Variants in NBEAL1 observed in about 807,000 individuals in gnomAD.
NBEAL1 encodes the protein neurobeachin-like protein 1.
A neutral mutation model predicts 351.3 loss-of-function variants in NBEAL1; 273 were observed. The observed-to-expected ratio is 0.78, with a 90% CI of 0.70 to 0.86. The LOEUF (loss-of-function observed/expected upper bound fraction) is 0.86, where lower values mean the gene tolerates loss of function less well. Ranked by LOEUF, NBEAL1 falls within the 40% of genes least tolerant of loss-of-function variation. The pLI is 0.00. For synonymous variants in NBEAL1, 1,050 were observed against 1,086.4 expected, an observed-to-expected ratio of 0.97 and a Z score of 0.66; for missense variants, 2,961 against 3,201.3, an observed-to-expected ratio of 0.92 and a Z score of 1.81.
At chr2:203,171,396 GGA>G (rs2064315066) in intron 39 of NBEAL1, among the ~76,000 whole-genome samples, 1 of 151,292 alleles carries the variant, frequency 6.6e-6, no homozygotes, top group Non-Finnish European at 1.5e-5. Flanking sequence ...CTTGAGGCTA[GGA>G]GTTTGAGACC....
chr2:203,151,676 T>G (rs2063657439), intron 35 of NBEAL1, 87 bp downstream of exon 35: 1 of 1,253,966 alleles, frequency 8.0e-7, no homozygotes, highest in African/African-American at 1.5e-5. Context: ...GTTTTAAATG[T>G]GTTTACTTAT....
At chr2:203,172,946 T>A (rs2064371172) in intron 41 of NBEAL1, 93 bp downstream of exon 41, 2 of 995,074 alleles carry the variant, frequency 2.0e-6, no homozygotes, top group Admixed American at 2.9e-5. Context: ...ATTTTTTTTT[T>A]ATCGTACTAC....
intron 42 of NBEAL1, among the ~76,000 whole-genome samples, chr2:203,176,545 A>G (rs899057491): frequency 7.9e-5 from 12 of 151,560 alleles, no homozygotes; most frequent in Non-Finnish European, 1.8e-4. Context: ...GCCTGGCCAA[A>G]ATGGTGAAAC....
chr2:203,193,886 C>G lies in NBEAL1; in HGVS notation c.7013C>G (p.Pro2338Arg), dbSNP rs748046250. Residue 2338 changes from proline to arginine, a missense_variant, in exon 47 of 56, where the codon CCT becomes CGT. Coordinates refer to ENST00000683969, the MANE Select transcript of NBEAL1 (RefSeq NM_001378026.1). ...ACCCTAAACCTGTTTCAACACCTTC[C>G]TGAACTCAAGTCATTTTTTATAGAG... The part of the protein sequence containing the change: ...TSTLNLFQHL[P>R]ELKSFFIEGI... 2.5e-5 allele frequency: 40 copies of G among 1,607,728 alleles called. No individual in the cohort carries two copies. In the South Asian group the frequency reaches 4.4e-4, roughly 18 times the overall value.
chr2:203,208,690 C>T lies in NBEAL1; in HGVS notation c.7560C>T (p.His2520=). ...ASKPFQILYG[H]TNEVLSVGIS... Reference sequence around the variant, plus strand: ...AACCTTTTCAGATTCTTTATGGACACACCAACGAGGTACTGAGTGTCGGCA... The same window carrying T: ...AACCTTTTCAGATTCTTTATGGACATACCAACGAGGTACTGAGTGTCGGCA... The change falls in exon 52 of 56, where the codon CAC becomes CAT. Residue 2520 remains histidine (H), a synonymous_variant. Coordinates refer to ENST00000683969, the MANE Select transcript of NBEAL1 (RefSeq NM_001378026.1). 6.2e-7 allele frequency: 1 copy of T among 1,612,656 alleles called. No homozygotes were observed. The highest frequency in any genetic ancestry group is 8.5e-7 in the Non-Finnish European group (1 of 1,179,690).
chr2:203,051,672 G>GCAAAACAAAA (rs1183950153), intron 4 of NBEAL1, among the ~76,000 whole-genome samples: 1 of 152,052 alleles, frequency 6.6e-6, no homozygotes, highest in African/African-American at 2.4e-5. Flanking sequence ...AAATCCTACA[G>GCAAAACAAAA]ATATTTGTTT....
At chr2:203,084,648 T>G in intron 10 of NBEAL1, 79 bp downstream of exon 10, 1 of 670,736 alleles carries the variant, frequency 1.5e-6, no homozygotes, top group African/African-American at 1.9e-5. Flanking sequence ...TTTGAACATA[T>G]TTTTACTAAT....
chr2:203,044,374 AGCTT>A (rs1361359107), intron 3 of NBEAL1, among the ~76,000 whole-genome samples: 2 of 152,228 alleles, frequency 1.3e-5, no homozygotes, highest in African/African-American at 4.8e-5. Context: ...AATAATTTAT[AGCTT>A]GCTTTAAATC....
At chr2:203,096,070 T>G (rs771126181) in intron 10 of NBEAL1, among the ~76,000 whole-genome samples, 5 of 152,218 alleles carry the variant, frequency 3.3e-5, no homozygotes, top group Non-Finnish European at 7.3e-5. Flanking sequence ...ACCTTTCATT[T>G]GTTAAGTCTC....
rs879382245 is a variant in NBEAL1, at chr2:203,223,558, A to C, written c.*6204A>C. ...CAATGTAGCATTGTAATGTAAGATG[A>C]AGAAAAATTAGGATTTAGGTGGGAT... On this transcript the variant is annotated 3_prime_UTR_variant, in exon 56 of 56. Transcript: ENST00000683969. Among the ~76,000 whole-genome samples, 2 of 152,050 alleles carry C rather than the reference A, an allele frequency of 1.3e-5. No homozygotes were observed. Among genetic ancestry groups the C allele is most frequent in the African/African-American group, 4.8e-5 (2 of 41,430 alleles).
chr2:203,127,387 A>AT (rs1226761854), intron 23 of NBEAL1, among the ~76,000 whole-genome samples: 1 of 152,176 alleles, frequency 6.6e-6, no homozygotes, highest in Non-Finnish European at 1.5e-5. Context: ...ACATGGAAAT[A>AT]TTTTTTTAAC....
chr2:203,158,788 G>GT (rs937755387), intron 36 of NBEAL1, among the ~76,000 whole-genome samples: 1 of 117,778 alleles, frequency 8.5e-6, no homozygotes, highest in Non-Finnish European at 1.8e-5. Context: ...ACTTTCTCCA[G>GT]TTTTTTTGTG....
rs756332584 is a variant in NBEAL1, at chr2:203,125,490, T to G, written c.2821T>G (p.Trp941Gly). The change falls in exon 20 of 56, where the codon TGG becomes GGG. Residue 941 changes from tryptophan (W) to glycine (G), a missense_variant. Physicochemically the swap from Trp to Gly is radical, Grantham distance 184. Transcript: ENST00000683969. ...ATCAGTAACACCTGTTGAAGGAGAT[T>G]GGCTCGTATGGACTTCCACAAAGGC... ...PESVTPVEGD[W>G]LVWTSTKASE... 4 of 1,527,602 alleles carry G rather than the reference T, an allele frequency of 2.6e-6. No individual in the cohort carries two copies. The highest frequency in any genetic ancestry group is 2.5e-5 in the South Asian group (2 of 78,612). 94.6% of individuals were successfully genotyped at this position (1,527,602 alleles called of 1,614,324 possible).
intron 38 of NBEAL1, among the ~76,000 whole-genome samples, chr2:203,169,146 A>C (rs2064237021): frequency 6.6e-6 from 1 of 151,954 alleles, no homozygotes; most frequent in South Asian, 2.1e-4. Context: ...TAATTTTTGT[A>C]AACATACATA....
chr2:203,138,244 C>T lies in NBEAL1; in HGVS notation c.4648C>T (p.Arg1550Ter), dbSNP rs745591144. ...TNPVTAENAF[R>*]LVLIIQDFLQ... The stretch of plus-strand genomic sequence containing the variant: ...TCCAGTAACTGCTGAAAACGCCTTC[C>T]GACTAGTGCTGATCATACAGGACTT... Residue 1550 changes from arginine (R) to a stop codon, truncating the protein, a stop_gained, in exon 30 of 56, where the codon CGA becomes TGA. Coordinates refer to ENST00000683969, the MANE Select transcript of NBEAL1 (RefSeq NM_001378026.1). LOFTEE classifies it high-confidence loss of function. 2.0e-5 allele frequency: 32 copies of T among 1,613,878 alleles called. No individual in the cohort carries two copies. Among genetic ancestry groups the T allele is most frequent in the Non-Finnish European group, 2.6e-5 (31 of 1,179,924 alleles).
At chr2:203,075,972 T>C (rs1251340264) in intron 7 of NBEAL1, among the ~76,000 whole-genome samples, 3 of 152,244 alleles carry the variant, frequency 2.0e-5, no homozygotes, top group African/African-American at 7.2e-5. Flanking sequence ...TGTTTCTTTT[T>C]GGTAACATTT....
At chr2:203,208,872 G>T (rs1314956335) in intron 52 of NBEAL1, 119 bp downstream of exon 52, 18 of 717,444 alleles carry the variant, frequency 2.5e-5, no homozygotes, top group Non-Finnish European at 4.0e-5. Flanking sequence ...TACCATACTT[G>T]TATAGGACTT....
chr2:203,215,351 A>G (rs925118004), intron 55 of NBEAL1, among the ~76,000 whole-genome samples: 2 of 152,156 alleles, frequency 1.3e-5, no homozygotes, highest in Non-Finnish European at 2.9e-5. Context: ...ATACAAAAAA[A>G]AATTAGCTGG....
At position 203,223,527 on chromosome 2, in the gene NBEAL1, C is replaced by T. The variant is rs1206135233; in HGVS notation, c.*6173C>T. 6.6e-6 allele frequency among the ~76,000 whole-genome samples: 1 copy of T among 151,806 alleles called. No homozygotes were observed. Among genetic ancestry groups the T allele is most frequent in the East Asian group, 1.9e-4 (1 of 5,188 alleles). On this transcript the variant is annotated 3_prime_UTR_variant, in exon 56 of 56. Coordinates refer to ENST00000683969, the MANE Select transcript of NBEAL1 (RefSeq NM_001378026.1). ...ACAGAGTGATTAGCGGCTTGTAATG[C>T]TGTTACAATGTAGCATTGTAATGTA... is the stretch of plus-strand genomic sequence containing the variant.
Sources: allele counts gnomAD v4.1 joint callset (sites outside exome capture counted in the v4.1 genomes callset), GRCh38; gene constraint gnomAD v4.1.1; transcripts MANE v1.5; gene names NCBI Gene and HGNC (gene_info 2026-07-23, HGNC 2026-07-21).